The following MRPS25 variants were observed in gnomAD, a reference collection of about 807,000 sequenced individuals.
The protein encoded by MRPS25 is mitochondrial ribosomal protein S25, also known as small ribosomal subunit protein mS25.
MRPS25 carries 15 observed loss-of-function variants against 17.3 expected under a neutral mutation model. The observed-to-expected ratio is 0.87, with a 90% CI of 0.58 to 1.34. MRPS25 has a LOEUF of 1.34. MRPS25 is among the 40% of genes most tolerant of loss of function. The pLI is 0.00. For missense variants in MRPS25, 225 were observed against 218.6 expected (o/e 1.03, Z -0.19); for synonymous variants, 94 against 83.3 (o/e 1.13, Z -0.70).
At position 15,049,582 on chromosome 3, in the gene MRPS25, C is replaced by T. The variant is rs1485938349; in HGVS notation, c.*2859G>A. 2.4e-6 allele frequency: 1 copy of T among 418,992 alleles called. No individual in the cohort carries two copies. The highest frequency in any genetic ancestry group is 4.2e-6 in the Non-Finnish European group (1 of 237,788). The allele number at this position is 418,992 out of a possible 1,614,324, so 26.0% of individuals were successfully genotyped here. ...GCAGAGCACAGTTAGGCTGCTGGAA[C>T]ATTCAGATGCCATTACAGACAGGCC... On this transcript the variant is annotated 3_prime_UTR_variant, in exon 4 of 4. Coordinates refer to ENST00000253686, the MANE Select transcript of MRPS25 (RefSeq NM_022497.5).
At chr3:15,053,511 G>A (rs769759660) in intron 2 of MRPS25, 44 bp from the exon 3 acceptor site, 1 of 1,612,512 alleles carries the variant, frequency 6.2e-7, no homozygotes, top group Non-Finnish European at 8.5e-7. Flanking sequence ...AGAACTCACA[G>A]CGCACTCAGC....
Position 15,051,396 on chromosome 3 carries a change from C to T in MRPS25, c.*1045G>A, listed in dbSNP as rs531243249. The T allele has an allele frequency of 7.4e-6, 5 of 679,970 alleles. No homozygotes were observed. In the African/African-American group the frequency reaches 7.8e-5, roughly 11 times the overall value. The allele number at this position is 679,970 out of a possible 1,614,324, so 42.1% of individuals were successfully genotyped here. On this transcript the variant is annotated 3_prime_UTR_variant, in exon 4 of 4. Transcript: ENST00000253686. ...ACAAGGTCTTGCCATGTTGCCCAGG[C>T]TGGTCTCGAACTCCTGGGCTCAACT... is the stretch of plus-strand genomic sequence containing the variant.
intron 1 of MRPS25, among the ~76,000 whole-genome samples, chr3:15,061,264 G>A (rs570191578): frequency 9.9e-5 from 15 of 152,186 alleles, no homozygotes; most frequent in African/African-American, 3.4e-4. Context: ...CTCTGATGCC[G>A]AGCCGAAGCT....
chr3:15,044,042 G>A (rs2042364606), downstream of MRPS25: 1 of 152,142 alleles, frequency 6.6e-6, no homozygotes, highest in African/African-American at 2.4e-5. Context: ...TGGAGTGTGA[G>A]CGTTACCTTC....
downstream of MRPS25, chr3:15,048,485 G>C (rs1306871673): frequency 1.3e-5 from 2 of 152,368 alleles, no homozygotes; most frequent in Non-Finnish European, 1.5e-5. Flanking sequence ...AAATAATTTT[G>C]GTGTCTTGAT....
At position 15,065,227 on chromosome 3, in the gene MRPS25, C is replaced by G. The variant is rs778061413; in HGVS notation, c.-33G>C. The G allele has an allele frequency of 1.2e-4, 179 of 1,554,840 alleles. No individual in the cohort carries two copies. The highest frequency in any genetic ancestry group is 3.3e-4 in the Middle Eastern group (2 of 5,976). ...ACGGTGGCGGGGCCGACCCCACGGG[C>G]CGCGAGCCGAGCAGCGACGAGAAAG... is the stretch of plus-strand genomic sequence containing the variant. On this transcript the variant is annotated 5_prime_UTR_variant, in exon 1 of 4. Transcript: ENST00000253686.
downstream of MRPS25, chr3:15,048,444 A>G (rs1008180912): frequency 2.0e-5 from 3 of 152,642 alleles, no homozygotes; most frequent in Non-Finnish European, 4.4e-5. Flanking sequence ...TGCGGGGAGA[A>G]AAATGTCAGA....
rs373366121 is a variant in MRPS25 at position 15,050,170 on chromosome 3, A to T, written c.*2271T>A. 1.2e-5 allele frequency: 15 copies of T among 1,272,818 alleles called. No homozygotes were observed. The African/African-American group carries it at 2.2e-4, about 19-fold the overall frequency. 78.8% of individuals were successfully genotyped at this position (1,272,818 alleles called of 1,614,324 possible). A position where few individuals can be genotyped will look rare whatever the true frequency, so the allele number is the denominator to read the frequency against. Reference sequence around the variant, plus strand: ...AGCCTACAGGGAACAAAAAAAGAAAATAATGTTTATTTCCACAAATTATCT... The same window carrying T: ...AGCCTACAGGGAACAAAAAAAGAAATTAATGTTTATTTCCACAAATTATCT... On this transcript the variant is annotated 3_prime_UTR_variant, in exon 4 of 4. Coordinates refer to ENST00000253686, the MANE Select transcript of MRPS25 (RefSeq NM_022497.5).
rs532486516 is a variant in MRPS25 at position 15,060,877 on chromosome 3, T to C, written c.135-1402A>G. Among the ~76,000 whole-genome samples, 3 of 143,392 alleles carry C rather than the reference T, an allele frequency of 2.1e-5. No individual in the cohort carries two copies. The East Asian group carries it at 5.9e-4, about 28-fold the overall frequency. 94.1% of individuals were successfully genotyped at this position (143,392 alleles called of 152,430 possible). A position where few individuals can be genotyped will look rare whatever the true frequency, so the allele number is the denominator to read the frequency against. Reference sequence around the variant, plus strand: ...GCCTGGGTGACAGAGCAAGACTCCATCTCAAAAAATAAATAAATAAATAGT... The same window carrying C: ...GCCTGGGTGACAGAGCAAGACTCCACCTCAAAAAATAAATAAATAAATAGT... On this transcript the variant is annotated intron_variant, in intron 1 of 3. Coordinates refer to ENST00000253686, the MANE Select transcript of MRPS25 (RefSeq NM_022497.5).
chr3:15,059,997 A>T (rs1192917790), intron 1 of MRPS25, among the ~76,000 whole-genome samples: 1 of 152,196 alleles, frequency 6.6e-6, no homozygotes, highest in Non-Finnish European at 1.5e-5. Context: ...AAAAAAAAAA[A>T]AAATGCATAA....
chr3:15,048,727 G>A lies in MRPS25; in HGVS notation c.*3714C>T, dbSNP rs1236671907. Reference sequence around the variant, plus strand: ...TTTTTCTACAGTCTCTCTGTTCTACGGATTATCTTGTAAACCAGTGTTCAA... The same window carrying A: ...TTTTTCTACAGTCTCTCTGTTCTACAGATTATCTTGTAAACCAGTGTTCAA... On this transcript the variant is annotated 3_prime_UTR_variant, in exon 4 of 4. Coordinates refer to ENST00000253686, the MANE Select transcript of MRPS25 (RefSeq NM_022497.5). The A allele has an allele frequency of 5.9e-5, 9 of 152,550 alleles. No individual in the cohort carries two copies. The East Asian group carries it at 1.5e-3, about 26-fold the overall frequency. 9.4% of individuals were successfully genotyped at this position (152,550 alleles called of 1,614,324 possible). A position where few individuals can be genotyped will look rare whatever the true frequency, so the allele number is the denominator to read the frequency against.
At position 15,065,279 on chromosome 3, in the gene MRPS25, A is replaced by C. The variant is rs996054661; in HGVS notation, c.-85T>G. The C allele has an allele frequency of 7.5e-4, 1,062 of 1,422,178 alleles. No homozygotes were observed. The highest frequency in any genetic ancestry group is 8.8e-4 in the Non-Finnish European group (950 of 1,077,004). 88.1% of individuals were successfully genotyped at this position (1,422,178 alleles called of 1,614,324 possible). ...ACTAGCTAGCACCCGCGCGGATCTC[A>C]CGCGGCTTCTCCCCAGAGCCAGGTT... On this transcript the variant is annotated 5_prime_UTR_variant, in exon 1 of 4. Transcript: ENST00000253686.
rs1016130177 is a variant in MRPS25, at chr3:15,065,272, G to A, written c.-78C>T. ...AGAAAGGACTAGCTAGCACCCGCGC[G>A]GATCTCACGCGGCTTCTCCCCAGAG... On this transcript the variant is annotated 5_prime_UTR_variant, in exon 1 of 4. Transcript: ENST00000253686. 2.1e-6 allele frequency: 3 copies of A among 1,457,112 alleles called. No individual in the cohort carries two copies. The highest frequency in any genetic ancestry group is 1.4e-5 in the African/African-American group (1 of 69,964). The allele number at this position is 1,457,112 out of a possible 1,614,324, so 90.3% of individuals were successfully genotyped here.
At chr3:15,046,823 T>G (rs2042470066), downstream of MRPS25, 1 of 152,684 alleles carries the variant, frequency 6.5e-6, no homozygotes, top group Non-Finnish European at 1.5e-5. Flanking sequence ...CGTGCTTCCT[T>G]TATCCAGCTT....
At chr3:15,055,460 C>A (rs562784536) in intron 2 of MRPS25, among the ~76,000 whole-genome samples, 1 of 152,150 alleles carries the variant, frequency 6.6e-6, no homozygotes, top group Non-Finnish European at 1.5e-5. Flanking sequence ...ACAGACAATA[C>A]CAAGTGCTAG....
At chr3:15,064,103 A>C (rs1055703527) in intron 1 of MRPS25, among the ~76,000 whole-genome samples, 3 of 152,206 alleles carry the variant, frequency 2.0e-5, no homozygotes, top group African/African-American at 7.2e-5. Flanking sequence ...CCCCACAAGA[A>C]GTTGCTCCCC....
At chr3:15,045,496 T>A, downstream of MRPS25, 1 of 152,718 alleles carries the variant, frequency 6.5e-6, no homozygotes, top group Non-Finnish European at 1.5e-5. Flanking sequence ...TTCCAGGGAC[T>A]GTTTTGGGCT....
chr3:15,048,281 T>G (rs928885896), downstream of MRPS25: 2 of 152,658 alleles, frequency 1.3e-5, no homozygotes, highest in African/African-American at 4.8e-5. Context: ...CGTCATAGCC[T>G]GTCGTGACAA....
At chr3:15,053,757 A>T (rs1324779057) in intron 2 of MRPS25, among the ~76,000 whole-genome samples, 3 of 152,266 alleles carry the variant, frequency 2.0e-5, no homozygotes, top group African/African-American at 7.2e-5. Flanking sequence ...CCCCAGACTG[A>T]TCTACAGATT....
Sources: gnomAD v4.1 joint callset for allele counts (sites outside exome capture counted in the v4.1 genomes callset) on GRCh38, gnomAD v4.1.1 for gene constraint, MANE v1.5 for transcripts, NCBI Gene and HGNC (gene_info 2026-07-23, HGNC 2026-07-21) for gene names.